Variants in TMED6 observed in about 807,000 individuals in gnomAD.
TMED6 encodes the protein transmembrane p24 trafficking protein 6, also known as transmembrane emp24 domain-containing protein 6.
In TMED6, 17 loss-of-function variants were observed where a neutral mutation model predicts 26.5. That is an observed-to-expected ratio of 0.64 (90% CI 0.44 to 0.96). The LOEUF (loss-of-function observed/expected upper bound fraction) is 0.96, where lower values mean the gene tolerates loss of function less well. Ranked by LOEUF, TMED6 falls within the 40% of genes least tolerant of loss-of-function variation. The pLI is 0.00. For synonymous variants in TMED6, 107 were observed against 106.2 expected, an observed-to-expected ratio of 1.01 and a Z score of -0.04; for missense variants, 309 against 296.5, an observed-to-expected ratio of 1.04 and a Z score of -0.31.
chr16:69,345,379 T>C (rs1381706737), intron 3 of TMED6, among the ~76,000 whole-genome samples: 1 of 151,476 alleles, frequency 6.6e-6, no homozygotes, highest in Admixed American at 6.6e-5. Flanking sequence ...ATAAACAAAA[T>C]TCAACAATAA....
intron 2 of TMED6, among the ~76,000 whole-genome samples, chr16:69,349,245 T>C (rs2012737969): frequency 1.3e-5 from 2 of 152,222 alleles, no homozygotes; most frequent in African/African-American, 4.8e-5. Flanking sequence ...TCTCTGTTTT[T>C]TGGTCACTTT....
intron 2 of TMED6, 117 bp downstream of exon 2, chr16:69,349,408 G>C: frequency 7.8e-7 from 1 of 1,276,532 alleles, no homozygotes; most frequent in Non-Finnish European, 1.1e-6. Flanking sequence ...CTGGTTTTTG[G>C]TGTTAAAGGC....
rs1192869920 is a variant in TMED6, at chr16:69,351,498, G to A, written c.213+43C>T. 2.5e-6 allele frequency: 4 copies of A among 1,581,670 alleles called. No individual in the cohort carries two copies. In the African/African-American group the frequency reaches 4.1e-5, roughly 16 times the overall value. ...AACCTGACCCACTTTATGAGTAAAG[G>A]AGAAAAAAAAAAGCCCCCCAGTATG... On this transcript the variant is annotated intron_variant, in intron 1 of 3. Coordinates refer to ENST00000288025, the MANE Select transcript of TMED6 (RefSeq NM_144676.4).
intron 1 of TMED6, among the ~76,000 whole-genome samples, chr16:69,349,904 C>G (rs2012748620): frequency 6.6e-6 from 1 of 152,108 alleles, no homozygotes; most frequent in Non-Finnish European, 1.5e-5. Context: ...AAGAACTGCC[C>G]AGAATGCCAA....
chr16:69,349,750 T>C, intron 1 of TMED6, 99 bp from the exon 2 acceptor site: 1 of 1,494,266 alleles, frequency 6.7e-7, no homozygotes, highest in South Asian at 1.3e-5. Flanking sequence ...AGCACAGCGG[T>C]CTCTGTCTGG....
chr16:69,349,549 T>C lies in TMED6; in HGVS notation c.316A>G (p.Ile106Val), dbSNP rs761291769. Residue 106 changes from isoleucine (I) to valine (V), a missense_variant, in exon 2 of 4, where the codon ATT (isoleucine) becomes GTT (valine). Transcript: ENST00000288025. ...IDTSQGVRGQ[I>V]NFSTQETGFY... The stretch of plus-strand genomic sequence containing the variant: ...CCTGTCTCTTGGGTAGAGAAGTTAA[T>C]CTGGCCCCGAACACCCTGGGAGGTG... 6.2e-7 allele frequency: 1 copy of C among 1,613,914 alleles called. No individual in the cohort carries two copies. Among genetic ancestry groups the C allele is most frequent in the Non-Finnish European group, 8.5e-7 (1 of 1,179,912 alleles).
intron 1 of TMED6, among the ~76,000 whole-genome samples, chr16:69,351,289 A>G: frequency 6.6e-6 from 1 of 152,152 alleles, no homozygotes; most frequent in East Asian, 1.9e-4. Flanking sequence ...CTCTTCAGGG[A>G]GAGGCACCCC....
chr16:69,350,692 A>G (rs1343701806), intron 1 of TMED6, among the ~76,000 whole-genome samples: 1 of 152,148 alleles, frequency 6.6e-6, no homozygotes, highest in Non-Finnish European at 1.5e-5. Context: ...GTGCACACCT[A>G]CAACAAGCAC....
At chr16:69,345,049 A>G (rs562007207) in intron 3 of TMED6, among the ~76,000 whole-genome samples, 39 of 152,310 alleles carry the variant, frequency 2.6e-4, no homozygotes, top group Non-Finnish European at 2.9e-5. Context: ...AAATTGTGCC[A>G]CTGCATTCCA....
intron 3 of TMED6, among the ~76,000 whole-genome samples, chr16:69,346,593 G>A (rs2012690279): frequency 1.3e-5 from 2 of 152,082 alleles, no homozygotes; most frequent in South Asian, 4.1e-4. Context: ...GTGAAACCCT[G>A]TCTCTACTAA....
At chr16:69,344,034 T>C (rs926391941) in intron 3 of TMED6, among the ~76,000 whole-genome samples, 10 of 151,968 alleles carry the variant, frequency 6.6e-5, no homozygotes, top group African/African-American at 2.4e-4. Context: ...GGTTTTGCCA[T>C]GTTGCCCAGG....
At chr16:69,348,100 GTTAAAC>G (rs2012715162) in intron 2 of TMED6, 164 bp from the exon 3 acceptor site, 2 of 699,280 alleles carry the variant, frequency 2.9e-6, no homozygotes, top group Admixed American at 2.8e-5. Flanking sequence ...CGGACCTTAT[GTTAAAC>G]TTATACTAAA....
intron 3 of TMED6, among the ~76,000 whole-genome samples, chr16:69,344,971 C>G (rs564256948): frequency 5.3e-5 from 8 of 152,174 alleles, no homozygotes; most frequent in Admixed American, 4.6e-4. Context: ...CGCCTGTAAT[C>G]CCAGCTACTT....
chr16:69,348,222 A>T (rs1249873818), intron 2 of TMED6: 1 of 255,536 alleles, frequency 3.9e-6, no homozygotes, highest in Non-Finnish European at 7.6e-6. Flanking sequence ...TCTTGTATTA[A>T]GGAACTCCTG....
chr16:69,348,454 G>C (rs1392915376), intron 2 of TMED6: 1 of 148,732 alleles, frequency 6.7e-6, no homozygotes, highest in African/African-American at 2.5e-5. Flanking sequence ...GCCTCCCTTT[G>C]TGTGTGCGGG....
chr16:69,344,146 T>A (rs1032355620), intron 3 of TMED6, among the ~76,000 whole-genome samples: 8 of 152,290 alleles, frequency 5.3e-5, no homozygotes, highest in African/African-American at 1.9e-4. Context: ...GTTTTGTTTT[T>A]AAATAATGGA....
At chr16:69,346,244 G>T (rs2012684532) in intron 3 of TMED6, among the ~76,000 whole-genome samples, 1 of 152,120 alleles carries the variant, frequency 6.6e-6, no homozygotes, top group Non-Finnish European at 1.5e-5. Context: ...CCACTTTCAG[G>T]TATACACAGA....
intron 3 of TMED6, 74 bp from the exon 4 acceptor site, chr16:69,343,714 A>G: frequency 8.7e-7 from 1 of 1,143,670 alleles, no homozygotes; most frequent in South Asian, 1.4e-5. Flanking sequence ...CACTAGCACT[A>G]ACCTATCTCA....
rs376126411 is a variant in TMED6, at chr16:69,349,615, C to T, written c.250G>A (p.Val84Ile). Residue 84 changes from valine to isoleucine, a missense_variant, in exon 2 of 4, where the codon GTT (valine) becomes ATT (isoleucine). Physicochemically the swap from Val to Ile is conservative, Grantham distance 29. Transcript: ENST00000288025. ...TGTGGGTTATGTGCCGTGGCAGCAA[C>T]ATGCCGGTCATGTGACATCCCCACT... is the stretch of plus-strand genomic sequence containing the variant. Reference protein sequence around the residue: ...RTVGMSHDRHVAATAHNPQGF... With the variant: ...RTVGMSHDRHIAATAHNPQGF... 2.2e-5 allele frequency: 35 copies of T among 1,613,834 alleles called. No individual in the cohort carries two copies. Among genetic ancestry groups the T allele is most frequent in the South Asian group, 3.3e-5 (3 of 91,058 alleles).
Sources: gnomAD v4.1 joint callset for allele counts (sites outside exome capture counted in the v4.1 genomes callset) on GRCh38, gnomAD v4.1.1 for gene constraint, MANE v1.5 for transcripts, NCBI Gene and HGNC (gene_info 2026-07-23, HGNC 2026-07-21) for gene names.